ARHGAP24: variants seen among roughly 807,000 people sequenced by gnomAD.
The protein encoded by ARHGAP24 is Rho GTPase activating protein 24.
ARHGAP24 carries 50 observed loss-of-function variants against 76.4 expected under a neutral mutation model. The observed-to-expected ratio is 0.65, with a 90% CI of 0.52 to 0.83. The LOEUF is 0.83. Ranked by LOEUF, ARHGAP24 falls within the 40% of genes least tolerant of loss-of-function variation. ARHGAP24 has a pLI of 0.00. For missense variants in ARHGAP24, 930 were observed against 914.2 expected, an observed-to-expected ratio of 1.02 and a Z score of -0.22; for synonymous variants, 345 against 323.3, an observed-to-expected ratio of 1.07 and a Z score of -0.72.
intron 3 of ARHGAP24, among the ~76,000 whole-genome samples, chr4:85,737,876 C>G (rs1421490830): frequency 2.6e-5 from 4 of 152,098 alleles, no homozygotes; most frequent in African/African-American, 9.7e-5. Flanking sequence ...CTTCCATATT[C>G]TCTTTGATTA....
chr4:85,687,444 T>C (rs1723466756), intron 2 of ARHGAP24, among the ~76,000 whole-genome samples: 1 of 152,174 alleles, frequency 6.6e-6, no homozygotes, highest in Admixed American at 6.5e-5. Flanking sequence ...GCTTTAGTAG[T>C]TCACATTGTC....
Position 85,683,116 on chromosome 4 carries a change from G to T in ARHGAP24, c.181-38769G>T, listed in dbSNP as rs1166718431. Among the ~76,000 whole-genome samples, 13 of 90,930 alleles carry T rather than the reference G, an allele frequency of 1.4e-4. 1 individual carries two copies. In the East Asian group the frequency reaches 4.8e-3, roughly 33 times the overall value. The allele number at this position is 90,930 out of a possible 152,430, so 59.7% of individuals were successfully genotyped here. ...CTTAACTCTCTCAGTGTGTGGGGGGGTGGGGGGGGGGTGCGGGGGCTGTAA... is the reference window on the plus strand; with the variant it reads ...CTTAACTCTCTCAGTGTGTGGGGGGTTGGGGGGGGGGTGCGGGGGCTGTAA... On this transcript the variant is annotated intron_variant, in intron 2 of 9. Transcript: ENST00000395184.
intron 3 of ARHGAP24, among the ~76,000 whole-genome samples, chr4:85,835,642 GA>G (rs781319297): frequency 2.1e-4 from 32 of 152,040 alleles, no homozygotes; most frequent in Non-Finnish European, 4.1e-4. Context: ...TAATGAGGTG[GA>G]AAGGATGTGA....
intron 3 of ARHGAP24, among the ~76,000 whole-genome samples, chr4:85,833,437 C>T (rs1419989597): frequency 6.6e-6 from 1 of 152,012 alleles, no homozygotes; most frequent in Middle Eastern, 3.2e-3. Flanking sequence ...GGGATTCCTC[C>T]CCTCCCATGA....
chr4:85,840,302 A>G (rs749372107), intron 3 of ARHGAP24, among the ~76,000 whole-genome samples: 1 of 152,248 alleles, frequency 6.6e-6, no homozygotes, highest in Non-Finnish European at 1.5e-5. Context: ...ACTTATGCCA[A>G]GTTCACAATT....
chr4:85,672,075 G>T (rs1447725831), intron 2 of ARHGAP24, among the ~76,000 whole-genome samples: 2 of 152,132 alleles, frequency 1.3e-5, no homozygotes, highest in Non-Finnish European at 2.9e-5. Flanking sequence ...CAGGCTCAGA[G>T]AACTTTTTGC....
At chr4:85,695,621 T>G (rs1723838240) in intron 2 of ARHGAP24, among the ~76,000 whole-genome samples, 1 of 152,170 alleles carries the variant, frequency 6.6e-6, no homozygotes, top group Non-Finnish European at 1.5e-5. Context: ...ATATTGAAAT[T>G]AATATGTTAA....
chr4:85,869,286 C>A (rs899547781), intron 3 of ARHGAP24, among the ~76,000 whole-genome samples: 2 of 152,144 alleles, frequency 1.3e-5, no homozygotes, highest in Non-Finnish European at 2.9e-5. Flanking sequence ...AGGGCTGCTG[C>A]GCTCCAGGAG....
At chr4:85,725,036 T>A (rs1725116621) in intron 3 of ARHGAP24, among the ~76,000 whole-genome samples, 1 of 152,186 alleles carries the variant, frequency 6.6e-6, no homozygotes, top group Non-Finnish European at 1.5e-5. Context: ...GGTTTCTGCT[T>A]CTCTAAATGT....
At chr4:85,551,823 T>C (rs1436455271) in intron 1 of ARHGAP24, among the ~76,000 whole-genome samples, 1 of 89,794 alleles carries the variant, frequency 1.1e-5, no homozygotes, top group Non-Finnish European at 2.4e-5. Flanking sequence ...GAGTTTTGTA[T>C]AGTAGTCTCT....
chr4:85,505,808 G>C (rs1421393237), intron 1 of ARHGAP24, among the ~76,000 whole-genome samples: 1 of 152,030 alleles, frequency 6.6e-6, no homozygotes, highest in Non-Finnish European at 1.5e-5. Context: ...AGGTGCTCTG[G>C]TTTTTAGAAT....
chr4:85,945,799 C>G (rs1342759379), intron 5 of ARHGAP24, among the ~76,000 whole-genome samples: 1 of 150,680 alleles, frequency 6.6e-6, no homozygotes, highest in Admixed American at 6.6e-5. Context: ...AAAAGAAACA[C>G]TTTTAAAATT....
chr4:85,806,676 G>A (rs1728804947), intron 3 of ARHGAP24, among the ~76,000 whole-genome samples: 1 of 152,090 alleles, frequency 6.6e-6, no homozygotes, highest in Non-Finnish European at 1.5e-5. Flanking sequence ...AAGAAATAAA[G>A]ATGTTCACCA....
intron 3 of ARHGAP24, among the ~76,000 whole-genome samples, chr4:85,902,404 G>T (rs912439472): frequency 1.3e-5 from 2 of 152,076 alleles, no homozygotes; most frequent in East Asian, 3.9e-4. Flanking sequence ...GCATTGAGTG[G>T]ACCCAGTGCC....
At chr4:85,500,742 G>C (rs1469938271) in intron 1 of ARHGAP24, among the ~76,000 whole-genome samples, 1 of 152,120 alleles carries the variant, frequency 6.6e-6, no homozygotes, top group African/African-American at 2.4e-5. Context: ...GATACTTTAA[G>C]TTCTAGGGTA....
chr4:85,923,029 G>A (rs985573833), intron 3 of ARHGAP24, among the ~76,000 whole-genome samples: 11 of 151,804 alleles, frequency 7.2e-5, no homozygotes, highest in African/African-American at 1.2e-4. Flanking sequence ...TGGCCTTCGT[G>A]GCTGTCCAGG....
intron 2 of ARHGAP24, among the ~76,000 whole-genome samples, chr4:85,626,418 T>C (rs1720956145): frequency 6.6e-6 from 1 of 152,236 alleles, no homozygotes; most frequent in Admixed American, 6.5e-5. Flanking sequence ...TTCTGGCTGA[T>C]AGAGTTTCTG....
At chr4:85,699,346 C>G (rs1429873043) in intron 2 of ARHGAP24, among the ~76,000 whole-genome samples, 1 of 152,214 alleles carries the variant, frequency 6.6e-6, no homozygotes, top group African/African-American at 2.4e-5. Context: ...GTAATCCCAA[C>G]ACTGTGGGAG....
intron 3 of ARHGAP24, among the ~76,000 whole-genome samples, chr4:85,738,387 T>C (rs76348039): frequency 1.8e-5 from 2 of 113,550 alleles, no homozygotes; most frequent in East Asian, 6.7e-4. Flanking sequence ...TTATTATTAT[T>C]ATTATTATTA....
Sources: gnomAD v4.1 joint callset for allele counts (sites outside exome capture counted in the v4.1 genomes callset) on GRCh38, gnomAD v4.1.1 for gene constraint, MANE v1.5 for transcripts, NCBI Gene and HGNC (gene_info 2026-07-23, HGNC 2026-07-21) for gene names.